Variants in CARD10 observed in about 807,000 individuals in gnomAD.
CARD10 encodes caspase recruitment domain family member 10.
In CARD10, 49 loss-of-function variants were observed where a neutral mutation model predicts 114.6. That is an observed-to-expected ratio of 0.43 (90% CI 0.34 to 0.54). The LOEUF (loss-of-function observed/expected upper bound fraction) is 0.54. Ranked by LOEUF, CARD10 falls within the 20% of genes least tolerant of loss-of-function variation. CARD10 has a pLI of 0.03. For synonymous variants in CARD10, 602 were observed against 593.2 expected, an observed-to-expected ratio of 1.01 and a Z score of -0.21; for missense variants, 1,206 against 1,397.2, an observed-to-expected ratio of 0.86 and a Z score of 2.18.
Position 37,518,017 on chromosome 22 carries a change from C to G in CARD10, c.327G>C (p.Thr109=). ...GGGCGGGTTCCTGGCCCGTGAGCAG[C>G]GTGAAGTGTTCGGGGTAGTAGAACT... is the stretch of plus-strand genomic sequence containing the variant. ...ALEFYYPEHF[T]LLTGQEPAQR... Residue 109 remains threonine (T), a synonymous_variant, in exon 2 of 20, where the codon ACG becomes ACC. Transcript: ENST00000251973. 6.2e-7 allele frequency: 1 copy of G among 1,614,064 alleles called. No individual in the cohort carries two copies. The highest frequency in any genetic ancestry group is 8.5e-7 in the Non-Finnish European group (1 of 1,179,988).
In CARD10 at chr22:37,491,014, G is replaced by T; in HGVS notation, c.*145C>A. On this transcript the variant is annotated 3_prime_UTR_variant, in exon 20 of 20. Transcript: ENST00000251973. ...CATAGGCTCGGCAGGGCCAGAGACA[G>T]CCTTGGGGGTGAGAGGCCAGAGCCA... is the stretch of plus-strand genomic sequence containing the variant. The T allele has an allele frequency of 1.5e-6, 1 of 666,404 alleles. No individual in the cohort carries two copies. Among genetic ancestry groups the T allele is most frequent in the Non-Finnish European group, 2.6e-6 (1 of 391,190 alleles). 41.3% of individuals were successfully genotyped at this position (666,404 alleles called of 1,614,324 possible). A position where few individuals can be genotyped will look rare whatever the true frequency, so the allele number is the denominator to read the frequency against.
Position 37,496,701 on chromosome 22 carries a change from C to T in CARD10, c.1948-141G>A. On this transcript the variant is annotated intron_variant, in intron 12 of 19. Coordinates refer to ENST00000251973, the MANE Select transcript of CARD10 (RefSeq NM_014550.4). This position sits in a 1 kb window ranked among gnomAD's most constrained non-coding sequence, Gnocchi z 4.1. Reference sequence around the variant, plus strand: ...CCCCCTCAGAAACTGCCATGCCCAGCCCAGTCAGACCCGTCCCCATCCACA... The same window carrying T: ...CCCCCTCAGAAACTGCCATGCCCAGTCCAGTCAGACCCGTCCCCATCCACA... The T allele has an allele frequency of 1.4e-6, 1 of 695,324 alleles. No homozygotes were observed. The highest frequency in any genetic ancestry group is 2.5e-6 in the Non-Finnish European group (1 of 403,600). The allele number at this position is 695,324 out of a possible 1,614,324, so 43.1% of individuals were successfully genotyped here.
chr22:37,506,044 C>A, intron 7 of CARD10, 148 bp downstream of exon 7: 1 of 574,102 alleles, frequency 1.7e-6, no homozygotes, highest in Non-Finnish European at 2.8e-6. Flanking sequence ...AGTTCCCGCC[C>A]CTAACTGAGG....
In CARD10 at chr22:37,506,314, T is replaced by A; in HGVS notation, c.1261A>T (p.Lys421Ter). 2 of 1,610,916 alleles carry A rather than the reference T, an allele frequency of 1.2e-6. No homozygotes were observed. The highest frequency in any genetic ancestry group is 1.7e-6 in the Non-Finnish European group (2 of 1,178,564). The change falls in exon 7 of 20, where the codon AAG (lysine) becomes TAG (stop). Residue 421 changes from lysine (K) to a stop codon, truncating the protein, a stop_gained. Transcript: ENST00000251973. LOFTEE classifies it high-confidence loss of function. The part of the protein sequence containing the change: ...QSLIEKDQYR[K>*]QVRGLEAERD... ...TCCGCCTCCAGGCCCCGCACCTGCT[T>A]GCGGTACTGGTCCTTCTCGATGAGG...
rs769532175 is a variant in CARD10, at chr22:37,496,155, G to A, written c.2060-152C>T. On this transcript the variant is annotated intron_variant, in intron 13 of 19. Transcript: ENST00000251973. This position sits in a 1 kb window ranked among gnomAD's most constrained non-coding sequence, Gnocchi z 4.1. Reference sequence around the variant, plus strand: ...CTTCTTAGAATGACTTAGGTCCAGAGGGGGCAGGGACTTGCCCAAGGCCAG... The same window carrying A: ...CTTCTTAGAATGACTTAGGTCCAGAAGGGGCAGGGACTTGCCCAAGGCCAG... The A allele has an allele frequency of 8.5e-6, 9 of 1,059,372 alleles. No individual in the cohort carries two copies. The highest frequency in any genetic ancestry group is 1.2e-5 in the Non-Finnish European group (9 of 749,896). 65.6% of individuals were successfully genotyped at this position (1,059,372 alleles called of 1,614,324 possible). A position where few individuals can be genotyped will look rare whatever the true frequency, so the allele number is the denominator to read the frequency against.
Position 37,507,728 on chromosome 22 carries a change from C to T in CARD10, c.1191+101G>A, listed in dbSNP as rs996886036. The T allele has an allele frequency of 1.3e-5, 19 of 1,441,022 alleles. No individual in the cohort carries two copies. In the African/African-American group the frequency reaches 2.1e-4, roughly 16 times the overall value. The allele number at this position is 1,441,022 out of a possible 1,614,324, so 89.3% of individuals were successfully genotyped here. ...TCCTAACCCAACAGGGAGCGGCTAA[C>T]GTCTCTTTCTACCATTCTAGTCCCC... On this transcript the variant is annotated intron_variant, in intron 6 of 19. Coordinates refer to ENST00000251973, the MANE Select transcript of CARD10 (RefSeq NM_014550.4).
rs1922845932 is a variant in CARD10, at chr22:37,492,650, G to A, written c.2629C>T (p.Pro877Ser). 1 of 1,612,706 alleles carries A rather than the reference G, an allele frequency of 6.2e-7. No individual in the cohort carries two copies. Among genetic ancestry groups the A allele is most frequent in the African/African-American group, 1.3e-5 (1 of 74,910 alleles). Residue 877 changes from proline (P) to serine (S), a missense_variant, in exon 17 of 20, where the codon CCA becomes TCA. Physicochemically the swap from Pro to Ser is moderately conservative, Grantham distance 74 (BLOSUM62 -1). Coordinates refer to ENST00000251973, the MANE Select transcript of CARD10 (RefSeq NM_014550.4). The surrounding 1 kb of genome is among the most constrained non-coding windows in gnomAD (Gnocchi z 5.7). The stretch of plus-strand genomic sequence containing the variant: ...CCCCGGCACATAGTCTCACCCGCTG[G>A]GCACACTTGGAAGTCCAGCCGGGAG... ...PSSRLDFQVC[P>S]AESLSGEELC...
chr22:37,492,435 C>A lies in CARD10; in HGVS notation c.2751G>T (p.Lys917Asn), dbSNP rs750434059. 2.6e-6 allele frequency: 4 copies of A among 1,555,642 alleles called. No individual in the cohort carries two copies. In the Admixed American group the frequency reaches 7.6e-5, roughly 30 times the overall value. ...CCCCAGGCCAGCCCCCAGCACCCACCTTCCCAACAGACTCCTGGATGGCCC... is the reference window on the plus strand; with the variant it reads ...CCCCAGGCCAGCCCCCAGCACCCACATTCCCAACAGACTCCTGGATGGCCC... Reference protein sequence around the residue: ...RIRAIQESVGKKHCLLELGAR... With the variant: ...RIRAIQESVGNKHCLLELGAR... The change falls in exon 18 of 20, where the codon AAG becomes AAT. Residue 917 changes from lysine to asparagine, a missense_variant and splice_region_variant. Lys to Asn is a moderately conservative substitution (Grantham distance 94). Around this residue, in one of 2 missense-constraint regions of CARD10, gnomAD observed 1,068 missense variants for 1,179.1 expected, o/e 0.91. Transcript: ENST00000251973. This position sits in a 1 kb window ranked among gnomAD's most constrained non-coding sequence, Gnocchi z 5.7.
In CARD10 at chr22:37,492,649, G is replaced by A; in HGVS notation, c.2630C>T (p.Pro877Leu). 6.2e-7 allele frequency: 1 copy of A among 1,612,784 alleles called. No individual in the cohort carries two copies. Among genetic ancestry groups the A allele is most frequent in the Non-Finnish European group, 8.5e-7 (1 of 1,179,756 alleles). Residue 877 changes from proline (P) to leucine (L), a missense_variant, in exon 17 of 20, where the codon CCA becomes CTA. Physicochemically the swap from Pro to Leu is moderately conservative, Grantham distance 98. Coordinates refer to ENST00000251973, the MANE Select transcript of CARD10 (RefSeq NM_014550.4). This position sits in a 1 kb window ranked among gnomAD's most constrained non-coding sequence, Gnocchi z 5.7. ...PSSRLDFQVC[P>L]AESLSGEELC... is the part of the protein sequence containing the mutation. ...TCCCCGGCACATAGTCTCACCCGCT[G>A]GGCACACTTGGAAGTCCAGCCGGGA...
chr22:37,496,023 G>A lies in CARD10; in HGVS notation c.2060-20C>T, dbSNP rs750809381. ...GGCAGGCTGGGCATGGATGGGGCAGGGGGCAGCAAGGAGGACAAGAGGAGG... is the reference window on the plus strand; with the variant it reads ...GGCAGGCTGGGCATGGATGGGGCAGAGGGCAGCAAGGAGGACAAGAGGAGG... On this transcript the variant is annotated intron_variant, in intron 13 of 19. Coordinates refer to ENST00000251973, the MANE Select transcript of CARD10 (RefSeq NM_014550.4). This position sits in a 1 kb window ranked among gnomAD's most constrained non-coding sequence, Gnocchi z 4.1. The A allele has an allele frequency of 1.2e-6, 2 of 1,611,022 alleles. No homozygotes were observed. The highest frequency in any genetic ancestry group is 1.3e-5 in the African/African-American group (1 of 75,008).
chr22:37,518,192 A>G, intron 1 of CARD10, 84 bp from the exon 2 acceptor site: 1 of 1,394,274 alleles, frequency 7.2e-7, no homozygotes, highest in Non-Finnish European at 9.9e-7. Flanking sequence ...ACCATGCTCC[A>G]GGCCCACGTT....
chr22:37,496,156 G>C lies in CARD10; in HGVS notation c.2060-153C>G, dbSNP rs1037758592. On this transcript the variant is annotated intron_variant, in intron 13 of 19. Transcript: ENST00000251973. The surrounding 1 kb of genome is among the most constrained non-coding windows in gnomAD (Gnocchi z 4.1). ...TTCTTAGAATGACTTAGGTCCAGAG[G>C]GGGCAGGGACTTGCCCAAGGCCAGT... Among the ~76,000 whole-genome samples, 9 of 152,206 alleles carry C rather than the reference G, an allele frequency of 5.9e-5. No homozygotes were observed. The highest frequency in any genetic ancestry group is 1.2e-4 in the Non-Finnish European group (8 of 68,032).
At chr22:37,503,088 G>A in intron 10 of CARD10, 97 bp downstream of exon 10, 1 of 1,346,896 alleles carries the variant, frequency 7.4e-7, no homozygotes, top group Non-Finnish European at 1.0e-6. Context: ...AGGGGATGCA[G>A]GCCAAAGGTA....
chr22:37,497,581 T>A (rs1923051687), intron 11 of CARD10, among the ~76,000 whole-genome samples: 1 of 152,074 alleles, frequency 6.6e-6, no homozygotes, highest in Non-Finnish European at 1.5e-5. Context: ...GCTTGTTATA[T>A]AGCCAAGCAC....
rs546322226 is a variant in CARD10 at position 37,516,708 on chromosome 22, C to T, written c.374-410G>A. ...TAGTTAATAAATACAGGAAAATATG[C>T]ACCAACCTATCAACAATAATTACAG... On this transcript the variant is annotated intron_variant, in intron 2 of 19. Transcript: ENST00000251973. Among the ~76,000 whole-genome samples, 18 of 152,290 alleles carry T rather than the reference C, an allele frequency of 1.2e-4. No homozygotes were observed. In the South Asian group the frequency reaches 3.7e-3, roughly 32 times the overall value.
intron 3 of CARD10, chr22:37,512,341 C>A (rs575712887): frequency 1.3e-5 from 2 of 152,162 alleles, no homozygotes; most frequent in Non-Finnish European, 2.9e-5. Flanking sequence ...GGGAAAAGGT[C>A]ACAATGACTT....
rs553342384 is a variant in CARD10, at chr22:37,519,316, G to A, written c.-116C>T. 36 of 1,341,084 alleles carry A rather than the reference G, an allele frequency of 2.7e-5. No individual in the cohort carries two copies. Among genetic ancestry groups the A allele is most frequent in the Admixed American group, 3.8e-5 (1 of 26,404 alleles). The allele number at this position is 1,341,084 out of a possible 1,614,324, so 83.1% of individuals were successfully genotyped here. The stretch of plus-strand genomic sequence containing the variant: ...GTCGTCCGCAGACCCGCCGTCGGGG[G>A]CGCGCCCCGAGCTCCCCGCGACTCA... On this transcript the variant is annotated 5_prime_UTR_variant, in exon 1 of 20. Transcript: ENST00000251973. This position sits in a 1 kb window ranked among gnomAD's most constrained non-coding sequence, Gnocchi z 4.1.
chr22:37,494,842 C>T (rs1290184917), intron 15 of CARD10, among the ~76,000 whole-genome samples: 1 of 152,228 alleles, frequency 6.6e-6, no homozygotes, highest in Non-Finnish European at 1.5e-5. Context: ...CTGGCTGGGG[C>T]CCTCGCTCTT....
At chr22:37,503,681 GAATA>G (rs1160680867) in intron 9 of CARD10, among the ~76,000 whole-genome samples, 1 of 152,134 alleles carries the variant, frequency 6.6e-6, no homozygotes, top group Non-Finnish European at 1.5e-5. Flanking sequence ...ACCAGTAAAG[GAATA>G]AATCAAGGGC....
Sources: allele counts gnomAD v4.1 joint callset (sites outside exome capture counted in the v4.1 genomes callset), GRCh38; gene constraint gnomAD v4.1.1; regional missense constraint gnomAD v4.1.1; non-coding constraint Gnocchi (gnomAD v3.1); transcripts MANE v1.5; gene names NCBI Gene and HGNC (gene_info 2026-07-23, HGNC 2026-07-21).